Variants in COL5A1 observed in about 807,000 individuals in gnomAD.
COL5A1 encodes the protein collagen alpha-1(V) chain.
A neutral mutation model predicts 263.7 loss-of-function variants in COL5A1; 16 were observed. The ratio of observed to expected loss-of-function variants is 0.06; its 90% CI spans 0.04 to 0.09. The LOEUF is 0.09. Ranked by LOEUF, COL5A1 falls within the 10% of genes least tolerant of loss-of-function variation. The pLI, the probability that COL5A1 is intolerant of heterozygous loss-of-function variation, is 1.00. For synonymous variants in COL5A1, 1,012 were observed against 1,004.5 expected (o/e 1.01, Z -0.14); for missense variants, 2,036 against 2,540.5 (o/e 0.80, Z 4.27).
chr9:134,835,506 T>G (rs1307451638), intron 65 of COL5A1, among the ~76,000 whole-genome samples: 1 of 152,150 alleles, frequency 6.6e-6, no homozygotes, highest in African/African-American at 2.4e-5. Context: ...GAGTGAGGAA[T>G]GGAGGACCCG....
chr9:134,685,379 CCATT>C (rs1321361463), intron 1 of COL5A1, among the ~76,000 whole-genome samples: 160 of 149,392 alleles, frequency 1.1e-3, no homozygotes, highest in South Asian at 2.2e-3. Flanking sequence ...ATTCACCCAT[CCATT>C]CATCCATCCA....
chr9:134,822,877 C>A, intron 59 of COL5A1, 121 bp from the exon 60 acceptor site: 1 of 1,127,998 alleles, frequency 8.9e-7, no homozygotes, highest in Non-Finnish European at 1.3e-6. Context: ...AGCATAGACT[C>A]TTGAGGGGGA....
intron 14 of COL5A1, among the ~76,000 whole-genome samples, chr9:134,752,905 T>C (rs1835838491): frequency 6.6e-6 from 1 of 151,982 alleles, no homozygotes. Flanking sequence ...AGAGCTGACA[T>C]CAGCGATCCT....
At chr9:134,733,976 C>T (rs1018687853) in intron 9 of COL5A1, among the ~76,000 whole-genome samples, 1 of 152,158 alleles carries the variant, frequency 6.6e-6, no homozygotes, top group Non-Finnish European at 1.5e-5. Context: ...GCCCCTGGCT[C>T]TGCAGGATCC....
chr9:134,649,578 T>C (rs907852540), intron 1 of COL5A1: 2 of 443,806 alleles, frequency 4.5e-6, no homozygotes, highest in African/African-American at 4.2e-5. Context: ...GGTGGCCTCT[T>C]TTTTTTCTGT....
intron 11 of COL5A1, among the ~76,000 whole-genome samples, chr9:134,744,003 T>C (rs1378989126): frequency 6.6e-6 from 1 of 152,154 alleles, no homozygotes; most frequent in Non-Finnish European, 1.5e-5. Flanking sequence ...CTGCTGGTGC[T>C]ACACCCAGGG....
At chr9:134,720,353 C>T (rs1187116594) in intron 4 of COL5A1, among the ~76,000 whole-genome samples, 4 of 152,294 alleles carry the variant, frequency 2.6e-5, no homozygotes, top group Admixed American at 1.3e-4. Flanking sequence ...CAGCACCTCC[C>T]GCCGGCCAGT....
chr9:134,655,427 C>T (rs374671455), intron 1 of COL5A1, among the ~76,000 whole-genome samples: 7 of 152,134 alleles, frequency 4.6e-5, no homozygotes, highest in Middle Eastern at 3.4e-3. Context: ...GGCTGTGCAG[C>T]GTCCTCATGA....
rs545052213 is a variant in COL5A1, at chr9:134,794,302, C to T, written c.2701-780C>T. Among the ~76,000 whole-genome samples the T allele has an allele frequency of 4.2e-4, 62 of 147,434 alleles. No homozygotes were observed. The highest frequency in any genetic ancestry group is 5.8e-4 in the Non-Finnish European group (39 of 67,428). ...CACCATTGCATTCATTCCAGCCTGG[C>T]GGCAGAGCAAGACTCTGTCTAAAAA... On this transcript the variant is annotated intron_variant, in intron 32 of 65. Transcript: ENST00000371817. The surrounding 1 kb of genome is among the most constrained non-coding windows in gnomAD (Gnocchi z 4.3).
chr9:134,793,551 C>T (rs139212825), intron 32 of COL5A1, among the ~76,000 whole-genome samples: 271 of 152,302 alleles, frequency 1.8e-3, no homozygotes, highest in Non-Finnish European at 2.7e-3. Flanking sequence ...GCCTGTGCCT[C>T]GGGCACAGTC....
intron 25 of COL5A1, 28 bp from the exon 26 acceptor site, chr9:134,772,762 C>G (rs769718655): frequency 1.2e-6 from 2 of 1,612,786 alleles, no homozygotes; most frequent in African/African-American, 2.7e-5. Flanking sequence ...GTGGCACTGA[C>G]TAATCAATGC....
At position 134,647,626 on chromosome 9, in the gene COL5A1, C is replaced by T. The variant is rs1404073237; in HGVS notation, c.109+5330C>T. ...TTACCGTGACCCGGCCCCAGCTGGA[C>T]GGGAGAGGAGGAGATGGCACGTGGA... On this transcript the variant is annotated intron_variant, in intron 1 of 65. Coordinates refer to ENST00000371817, the MANE Select transcript of COL5A1 (RefSeq NM_000093.5). The surrounding 1 kb of genome is among the most constrained non-coding windows in gnomAD (Gnocchi z 5.0). Among the ~76,000 whole-genome samples the T allele has an allele frequency of 2.0e-5, 3 of 152,106 alleles. No individual in the cohort carries two copies. Among genetic ancestry groups the T allele is most frequent in the East Asian group, 1.9e-4 (1 of 5,174 alleles).
chr9:134,687,832 A>G (rs1310659575), intron 1 of COL5A1, among the ~76,000 whole-genome samples: 3 of 152,132 alleles, frequency 2.0e-5, no homozygotes, highest in African/African-American at 7.2e-5. Context: ...CGGGAAGTGC[A>G]CGGGCCAGTG....
At chr9:134,649,610 A>G (rs761115394) in intron 1 of COL5A1, 1 of 441,152 alleles carries the variant, frequency 2.3e-6, no homozygotes, top group South Asian at 1.7e-5. Flanking sequence ...ACAAAATGAC[A>G]TAAAAACAGT....
intron 2 of COL5A1, among the ~76,000 whole-genome samples, chr9:134,699,132 G>C (rs1018431934): frequency 6.6e-6 from 1 of 152,196 alleles, no homozygotes; most frequent in African/African-American, 2.4e-5. Flanking sequence ...AGGATCGATG[G>C]ACAGGAGGGG....
intron 1 of COL5A1, among the ~76,000 whole-genome samples, chr9:134,679,365 G>T (rs1169049737): frequency 1.4e-5 from 2 of 140,716 alleles, no homozygotes; most frequent in African/African-American, 2.7e-5. Flanking sequence ...GCTAGTTGGG[G>T]GCACTGCGGG....
At chr9:134,812,774 CTGTG>C (rs10669920) in intron 48 of COL5A1, 62 bp downstream of exon 48, 18 of 892,132 alleles carry the variant, frequency 2.0e-5, no homozygotes, top group African/African-American at 2.2e-5. Flanking sequence ...GTGTGTGTGT[CTGTG>C]TGTGTGTGTC....
chr9:134,777,192 AG>A (rs1837084309), intron 27 of COL5A1, among the ~76,000 whole-genome samples: 2 of 152,206 alleles, frequency 1.3e-5, no homozygotes, highest in Non-Finnish European at 2.9e-5. Context: ...CCCCTCGTTT[AG>A]CCCCCAGCTG....
intron 1 of COL5A1, among the ~76,000 whole-genome samples, chr9:134,679,184 G>A (rs943260734): frequency 6.6e-6 from 1 of 152,118 alleles, no homozygotes; most frequent in Non-Finnish European, 1.5e-5. Context: ...GGAAAGAGCA[G>A]TCTCCGAGGC....
Sources: gnomAD v4.1 joint callset for allele counts (sites outside exome capture counted in the v4.1 genomes callset) on GRCh38, gnomAD v4.1.1 for gene constraint, Gnocchi (gnomAD v3.1) non-coding constraint, MANE v1.5 for transcripts, NCBI Gene and HGNC (gene_info 2026-07-23, HGNC 2026-07-21) for gene names.